CEP295: variants seen among roughly 807,000 people sequenced by gnomAD.
CEP295 encodes the protein centrosomal protein of 295 kDa.
Under a neutral mutation model 291.6 loss-of-function variants are expected in CEP295, and 190 were observed. That is an observed-to-expected ratio of 0.65 (90% CI 0.58 to 0.73). CEP295 has a LOEUF of 0.73. Among genes scored for constraint, CEP295 ranks in the 30% least tolerant of loss-of-function variants. The pLI is 0.00. For missense variants in CEP295, 2,863 were observed against 2,949.4 expected, an observed-to-expected ratio of 0.97 and a Z score of 0.68; for synonymous variants, 993 against 1,038.8, an observed-to-expected ratio of 0.96 and a Z score of 0.85.
At chr11:93,726,898 A>C in intron 23 of CEP295, 78 bp from the exon 24 acceptor site, 2 of 1,131,822 alleles carry the variant, frequency 1.8e-6, no homozygotes, top group Non-Finnish European at 2.4e-6. Context: ...ATTGGATGAT[A>C]AACTATTAGA....
At chr11:93,726,216 C>T (rs976515335) in intron 23 of CEP295, among the ~76,000 whole-genome samples, 2 of 152,132 alleles carry the variant, frequency 1.3e-5, no homozygotes, top group African/African-American at 2.4e-5. Flanking sequence ...CTGCAACCTC[C>T]GCCTGCTGGG....
At chr11:93,726,839 C>A in intron 23 of CEP295, 137 bp from the exon 24 acceptor site, 1 of 571,004 alleles carries the variant, frequency 1.8e-6, no homozygotes. Flanking sequence ...TCTTTGTATT[C>A]ATGTTTATAC....
intron 18 of CEP295, 46 bp downstream of exon 18, chr11:93,706,943 G>T: frequency 7.1e-7 from 1 of 1,402,742 alleles, no homozygotes; most frequent in South Asian, 1.5e-5. Context: ...AGGATATGTG[G>T]ACAAAAGATA....
At position 93,723,214 on chromosome 11, in the gene CEP295, C is replaced by A; in HGVS notation, c.6121C>A (p.His2041Asn). The A allele has an allele frequency of 6.4e-7, 1 of 1,551,266 alleles. No homozygotes were observed. The highest frequency in any genetic ancestry group is 1.2e-5 in the South Asian group (1 of 83,936). Residue 2041 changes from histidine (H) to asparagine (N), a missense_variant, in exon 21 of 30, where the codon CAC becomes AAC. Around this residue, in one of 3 missense-constraint regions of CEP295, gnomAD observed 2,295 missense variants for 2,335.7 expected, o/e 0.98. Coordinates refer to ENST00000325212, the MANE Select transcript of CEP295 (RefSeq NM_033395.2). ...LPAVDETTCG[H>N]THFQQMIDKY... is the part of the protein sequence containing the mutation. ...TGCAGTGGATGAAACTACATGTGGT[C>A]ACACACACTTTCAGCAAATGATAGA...
At chr11:93,717,841 G>A (rs1345350358) in intron 18 of CEP295, among the ~76,000 whole-genome samples, 1 of 152,132 alleles carries the variant, frequency 6.6e-6, no homozygotes, top group African/African-American at 2.4e-5. Flanking sequence ...GATAGTGCCA[G>A]GTCAGCTCCT....
chr11:93,690,176 C>T (rs945367331), intron 10 of CEP295, among the ~76,000 whole-genome samples: 2 of 152,206 alleles, frequency 1.3e-5, no homozygotes, highest in African/African-American at 4.8e-5. Context: ...CTTTGGGAGG[C>T]CCAGGCGGGC....
At chr11:93,695,747 A>G in intron 13 of CEP295, 113 bp downstream of exon 13, 2 of 1,256,482 alleles carry the variant, frequency 1.6e-6, no homozygotes, top group Non-Finnish European at 2.1e-6. Context: ...GCGGTGGCTC[A>G]TGCCTGTAAT....
At chr11:93,687,090 G>A (rs1449900212) in intron 9 of CEP295, among the ~76,000 whole-genome samples, 1 of 152,072 alleles carries the variant, frequency 6.6e-6, no homozygotes, top group East Asian at 1.9e-4. Context: ...TTGTTTTTTT[G>A]TTTTTGTTTT....
chr11:93,717,328 A>G (rs1161285058), intron 18 of CEP295, among the ~76,000 whole-genome samples: 2 of 152,158 alleles, frequency 1.3e-5, no homozygotes, highest in Non-Finnish European at 2.9e-5. Context: ...CCTCTAGCTA[A>G]AGACTACGAG....
intron 18 of CEP295, among the ~76,000 whole-genome samples, chr11:93,710,532 ATT>A (rs1263713474): frequency 6.6e-6 from 1 of 152,158 alleles, no homozygotes; most frequent in Non-Finnish European, 1.5e-5. Context: ...ATTTGCTAGT[ATT>A]TTAGCATCAG....
chr11:93,727,303 AGGAAAGTATG>A lies in CEP295; in HGVS notation c.6830_6839del (p.Glu2277AlafsTer31). 1.3e-6 allele frequency: 2 copies of A among 1,551,698 alleles called. No homozygotes were observed. The highest frequency in any genetic ancestry group is 1.7e-6 in the Non-Finnish European group (2 of 1,146,962). On this transcript the variant is annotated frameshift_variant, in exon 24 of 30. Coordinates refer to ENST00000325212, the MANE Select transcript of CEP295 (RefSeq NM_033395.2). LOFTEE classifies it high-confidence loss of function. ...ACAAAACACCAACTAGAAAGCAGAA[AGGAAAGTATG>A]GGCTTTGAAGAACTATCAAAAAGAG...
chr11:93,681,573 G>A (rs1950967403), intron 7 of CEP295, among the ~76,000 whole-genome samples: 1 of 151,464 alleles, frequency 6.6e-6, no homozygotes, highest in Non-Finnish European at 1.5e-5. Flanking sequence ...ATACCACCAC[G>A]CTTGGCTAAT....
At chr11:93,717,730 G>T (rs978765237) in intron 18 of CEP295, among the ~76,000 whole-genome samples, 2 of 152,032 alleles carry the variant, frequency 1.3e-5, no homozygotes, top group Non-Finnish European at 2.9e-5. Context: ...GTTACAAGGG[G>T]TCTCATTTTT....
chr11:93,696,490 G>A, intron 14 of CEP295, 73 bp downstream of exon 14: 1 of 1,128,672 alleles, frequency 8.9e-7, no homozygotes, highest in South Asian at 1.4e-5. Context: ...TCATTTATAT[G>A]AGGATCTAAT....
intron 25 of CEP295, 42 bp downstream of exon 25, chr11:93,728,863 A>G: frequency 6.7e-7 from 1 of 1,494,702 alleles, no homozygotes; most frequent in Non-Finnish European, 8.9e-7. Context: ...ATTACAAGCA[A>G]ACCAGTTGAT....
In CEP295 at chr11:93,729,752, T is replaced by A; in HGVS notation, c.7538T>A (p.Ile2513Asn). 2 of 1,548,628 alleles carry A rather than the reference T, an allele frequency of 1.3e-6. No individual in the cohort carries two copies. The highest frequency in any genetic ancestry group is 1.7e-6 in the Non-Finnish European group (2 of 1,145,238). ...NKIHVSENSQIKTVKEKPSIS... is the reference protein window; with the variant it reads ...NKIHVSENSQNKTVKEKPSIS... ...ATTCATGTCTCTGAAAATTCTCAAA[T>A]CAAAACAGTTAAAGAGAAACCATCT... The change falls in exon 27 of 30, where the codon ATC becomes AAC. Residue 2513 changes from isoleucine to asparagine, a missense_variant. By Grantham distance (149) the Ile-to-Asn change is moderately radical. Coordinates refer to ENST00000325212, the MANE Select transcript of CEP295 (RefSeq NM_033395.2).
At chr11:93,729,848 G>A in intron 27 of CEP295, 22 bp from the exon 28 acceptor site, 2 of 1,537,202 alleles carry the variant, frequency 1.3e-6, no homozygotes, top group South Asian at 2.5e-5. Flanking sequence ...TTTACAACTT[G>A]ATTTCACTTT....
At chr11:93,702,406 G>A in intron 15 of CEP295, 54 bp from the exon 16 acceptor site, 1 of 1,215,942 alleles carries the variant, frequency 8.2e-7, no homozygotes, top group Non-Finnish European at 1.1e-6. Context: ...AATGAATAAT[G>A]CTTCACATGA....
chr11:93,706,668 C>A, intron 17 of CEP295, 77 bp from the exon 18 acceptor site: 1 of 1,237,950 alleles, frequency 8.1e-7, no homozygotes, highest in South Asian at 1.7e-5. Context: ...GATTTCTACC[C>A]ATAATATAAA....
Sources: gnomAD v4.1 joint callset for allele counts (sites outside exome capture counted in the v4.1 genomes callset) on GRCh38, gnomAD v4.1.1 for gene constraint, gnomAD v4.1.1 regional missense constraint, MANE v1.5 for transcripts, NCBI Gene and HGNC (gene_info 2026-07-23, HGNC 2026-07-21) for gene names.